The following CCDC149 variants were observed in gnomAD, a reference collection of about 807,000 sequenced individuals.
CCDC149 encodes coiled-coil domain-containing protein 149.
Under a neutral mutation model 59.9 loss-of-function variants are expected in CCDC149, and 45 were observed. That is an observed-to-expected ratio of 0.75 (90% CI 0.59 to 0.96). CCDC149 has a LOEUF of 0.96. Among genes scored for constraint, CCDC149 ranks in the 40% least tolerant of loss-of-function variants. The pLI is 0.00. For synonymous variants in CCDC149, 245 were observed against 260.6 expected (o/e 0.94, Z 0.58); for missense variants, 584 against 664.7 (o/e 0.88, Z 1.33).
intron 4 of CCDC149, among the ~76,000 whole-genome samples, chr4:24,851,965 T>A (rs147895578): frequency 6.6e-6 from 1 of 152,044 alleles, no homozygotes; most frequent in East Asian, 1.9e-4. Context: ...AAATTTATGT[T>A]AAATCCAAGA....
At chr4:24,895,096 T>C in intron 1 of CCDC149, 1 of 1,191,076 alleles carries the variant, frequency 8.4e-7, no homozygotes, top group South Asian at 1.3e-5. Flanking sequence ...AACTATCCAC[T>C]ACTTATGAAT....
At chr4:24,886,615 GTTTA>G (rs143958113) in intron 1 of CCDC149, among the ~76,000 whole-genome samples, 9,252 of 152,284 alleles carry the variant, frequency 0.061, 360 homozygotes, top group Middle Eastern at 0.099. Flanking sequence ...ATGCTACTGA[GTTTA>G]TTTCTCAACC....
chr4:24,872,001 T>G (rs978823960), intron 3 of CCDC149, among the ~76,000 whole-genome samples: 1 of 152,192 alleles, frequency 6.6e-6, no homozygotes, highest in African/African-American at 2.4e-5. Flanking sequence ...CTTGATGAAA[T>G]GTTTCTAGGT....
chr4:24,834,532 G>A (rs1475530703), intron 8 of CCDC149, among the ~76,000 whole-genome samples: 6 of 152,114 alleles, frequency 3.9e-5, no homozygotes, highest in Non-Finnish European at 7.3e-5. Flanking sequence ...AGGTCAAAAC[G>A]CACCCTTGGA....
At chr4:24,905,716 G>A (rs191149049) in intron 1 of CCDC149, among the ~76,000 whole-genome samples, 20 of 152,318 alleles carry the variant, frequency 1.3e-4, no homozygotes, top group Non-Finnish European at 7.3e-5. Flanking sequence ...CATTACAGGC[G>A]TGAGCCATGG....
At chr4:24,933,001 A>G (rs1722637830) in intron 1 of CCDC149, among the ~76,000 whole-genome samples, 1 of 152,170 alleles carries the variant, frequency 6.6e-6, no homozygotes, top group Non-Finnish European at 1.5e-5. Context: ...AGGCATTCCC[A>G]ATGTGGCAGT....
chr4:24,910,324 C>T (rs1284534362), intron 1 of CCDC149, among the ~76,000 whole-genome samples: 1 of 152,156 alleles, frequency 6.6e-6, no homozygotes, highest in Non-Finnish European at 1.5e-5. Context: ...TTAGGACCTA[C>T]CCTAAATCCA....
chr4:24,920,620 T>C (rs13116026), intron 1 of CCDC149, among the ~76,000 whole-genome samples: 1 of 152,066 alleles, frequency 6.6e-6, no homozygotes, highest in Non-Finnish European at 1.5e-5. Flanking sequence ...CACCTCTAGA[T>C]GGTCATAGAA....
chr4:24,838,801 C>A lies in CCDC149; in HGVS notation c.373-529G>T, dbSNP rs563897738. On this transcript the variant is annotated intron_variant, in intron 4 of 12. Transcript: ENST00000635206. ...TTTAAAAAAAAAAAACAAAAAAAAA[C>A]CAACTAGAAACAATGTCTAACAATA... Among the ~76,000 whole-genome samples the A allele has an allele frequency of 4.8e-4, 72 of 149,212 alleles. 1 individual carries two copies. Among genetic ancestry groups the A allele is most frequent in the Admixed American group, 6.7e-4 (10 of 15,018 alleles).
intron 1 of CCDC149, among the ~76,000 whole-genome samples, chr4:24,925,473 A>G (rs1197234841): frequency 6.6e-6 from 1 of 152,082 alleles, no homozygotes; most frequent in African/African-American, 2.4e-5. Context: ...CAAAGCTAAC[A>G]TGCTTCCTTT....
At chr4:24,949,605 C>T (rs933988500) in intron 1 of CCDC149, among the ~76,000 whole-genome samples, 8 of 152,202 alleles carry the variant, frequency 5.3e-5, no homozygotes, top group Non-Finnish European at 7.3e-5. Flanking sequence ...AATTCCTAGT[C>T]TCAAGGGGCT....
intron 1 of CCDC149, among the ~76,000 whole-genome samples, chr4:24,942,553 C>T (rs1722983803): frequency 6.6e-6 from 1 of 152,134 alleles, no homozygotes; most frequent in African/African-American, 2.4e-5. Flanking sequence ...CCAGAGCAAT[C>T]AGGCAGGAAA....
chr4:24,847,424 G>A (rs1717369053), intron 4 of CCDC149, among the ~76,000 whole-genome samples: 1 of 152,156 alleles, frequency 6.6e-6, no homozygotes, highest in African/African-American at 2.4e-5. Flanking sequence ...ACTGTCTGAT[G>A]AAATTACTTA....
chr4:24,853,030 A>C, intron 4 of CCDC149, 42 bp downstream of exon 4: 1 of 1,266,852 alleles, frequency 7.9e-7, no homozygotes. Flanking sequence ...TCGAACGCAC[A>C]ATGTTGCAGC....
At chr4:24,835,281 A>G (rs754992217) in intron 7 of CCDC149, among the ~76,000 whole-genome samples, 5 of 152,236 alleles carry the variant, frequency 3.3e-5, no homozygotes, top group Admixed American at 1.3e-4. Flanking sequence ...CCTGTATACA[A>G]AAAGCACTTA....
intron 4 of CCDC149, among the ~76,000 whole-genome samples, chr4:24,850,105 GT>G (rs1259657509): frequency 2.0e-5 from 3 of 152,206 alleles, no homozygotes; most frequent in African/African-American, 2.4e-5. Context: ...CCAGATGGTA[GT>G]TGGTCTGTTT....
chr4:24,893,303 T>C (rs527467464), intron 1 of CCDC149, among the ~76,000 whole-genome samples: 73 of 152,310 alleles, frequency 4.8e-4, no homozygotes, highest in African/African-American at 1.7e-3. Flanking sequence ...CTAAAATGCC[T>C]ACCTCCAAAT....
intron 1 of CCDC149, among the ~76,000 whole-genome samples, chr4:24,938,468 G>A (rs1367910175): frequency 5.9e-5 from 9 of 152,204 alleles, no homozygotes; most frequent in Non-Finnish European, 1.2e-4. Flanking sequence ...AGCTCCCAGC[G>A]TAAGCGATGC....
intron 4 of CCDC149, among the ~76,000 whole-genome samples, chr4:24,843,809 C>T (rs949246864): frequency 2.6e-5 from 4 of 152,096 alleles, no homozygotes; most frequent in South Asian, 2.1e-4. Flanking sequence ...CACTGAGATC[C>T]GCATAGAGCC....
Sources: gnomAD v4.1 joint callset for allele counts (sites outside exome capture counted in the v4.1 genomes callset) on GRCh38, gnomAD v4.1.1 for gene constraint, MANE v1.5 for transcripts, NCBI Gene and HGNC (gene_info 2026-07-23, HGNC 2026-07-21) for gene names.